TNRC6C: variants seen among roughly 807,000 people sequenced by gnomAD.
TNRC6C encodes trinucleotide repeat containing adaptor 6C.
Under a neutral mutation model 153.7 loss-of-function variants are expected in TNRC6C, and 20 were observed. That is an observed-to-expected ratio of 0.13 (90% CI 0.09 to 0.19). The LOEUF (loss-of-function observed/expected upper bound fraction) is 0.19, where lower values mean the gene tolerates loss of function less well. Ranked by LOEUF, TNRC6C falls within the 10% of genes least tolerant of loss-of-function variation. TNRC6C has a pLI of 1.00. For missense variants in TNRC6C, 1,987 were observed against 2,172.0 expected (o/e 0.91, Z 1.69); for synonymous variants, 811 against 841.4 (o/e 0.96, Z 0.63).
At chr17:78,093,279 C>G (rs2073425249) in intron 15 of TNRC6C, 155 bp downstream of exon 17, 1 of 923,644 alleles carries the variant, frequency 1.1e-6, no homozygotes, top group Admixed American at 2.9e-5. Flanking sequence ...ATCCATTTGT[C>G]AGATCAATTT....
At chr17:78,042,584 C>T (rs1356497197) in intron 2 of TNRC6C, among the ~76,000 whole-genome samples, 3 of 146,998 alleles carry the variant, frequency 2.0e-5, no homozygotes, top group African/African-American at 7.6e-5. Flanking sequence ...TTTTTTTTAA[C>T]GAAATTTAAC....
chr17:77,989,454 G>A (rs531648667), intron 1 of TNRC6C, among the ~76,000 whole-genome samples: 2 of 152,336 alleles, frequency 1.3e-5, no homozygotes, highest in African/African-American at 4.8e-5. Context: ...AGGGAAGGTT[G>A]TACTTTGTCT....
chr17:78,036,043 C>A (rs967994873), intron 2 of TNRC6C, among the ~76,000 whole-genome samples: 1 of 152,062 alleles, frequency 6.6e-6, no homozygotes, highest in Non-Finnish European at 1.5e-5. Flanking sequence ...AAAAGAAGTA[C>A]AAATGCTGGG....
At chr17:78,004,141 C>G (rs545744575), upstream of TNRC6C, 15 of 1,231,334 alleles carry the variant, frequency 1.2e-5, no homozygotes, top group South Asian at 5.8e-4. Flanking sequence ...GATCATCAAA[C>G]TTATACTAGT....
In TNRC6C at chr17:78,073,033, A is replaced by T. The variant is rs1196391086; in HGVS notation, c.2860-4A>T. 3 of 1,553,524 alleles carry T rather than the reference A, an allele frequency of 1.9e-6. No individual in the cohort carries two copies. Among genetic ancestry groups the T allele is most frequent in the Non-Finnish European group, 2.6e-6 (3 of 1,147,736 alleles). On this transcript the variant is annotated splice_polypyrimidine_tract_variant and splice_region_variant and intron_variant, in intron 6 of 19. Coordinates refer to ENST00000301624, the Ensembl canonical transcript of TNRC6C. ...ACTAATGAAAACTCTGTTTTCCTAC[A>T]CAGAGAGAGCCAGCTGAGGAGGCCT...
At chr17:77,961,033 C>T (rs2070857606) in intron 1 of TNRC6C, among the ~76,000 whole-genome samples, 1 of 151,960 alleles carries the variant, frequency 6.6e-6, no homozygotes, top group Admixed American at 6.5e-5. Flanking sequence ...GCTCAGAAAA[C>T]GGTAATAGTA....
At chr17:78,050,611 G>C in exon 3 of TNRC6C, 1 of 1,580,364 alleles carries the variant, frequency 6.3e-7, no homozygotes, top group Non-Finnish European at 8.6e-7. Context: ...ACCTGCCGCT[G>C]TGCCAGCAAA....
chr17:77,985,723 GTCTC>G (rs1031869639), intron 1 of TNRC6C, among the ~76,000 whole-genome samples: 2 of 152,098 alleles, frequency 1.3e-5, no homozygotes, highest in African/African-American at 4.8e-5. Flanking sequence ...TGGATGGATA[GTCTC>G]TCTGTCTTAA....
intron 3 of TNRC6C, among the ~76,000 whole-genome samples, chr17:78,061,643 G>A (rs1009222194): frequency 1.3e-5 from 2 of 152,144 alleles, no homozygotes; most frequent in Admixed American, 6.5e-5. Context: ...CTTAAGAACA[G>A]CCACTGCACT....
chr17:78,047,856 C>A lies in TNRC6C; in HGVS notation c.-218-989C>A, dbSNP rs187556187. 9.9e-5 allele frequency among the ~76,000 whole-genome samples: 15 copies of A among 152,036 alleles called. No homozygotes were observed. In the East Asian group the frequency reaches 2.7e-3, roughly 27 times the overall value. On this transcript the variant is annotated intron_variant, in intron 2 of 19. Coordinates refer to ENST00000301624, the Ensembl canonical transcript of TNRC6C. ...TGATACATACTTGGAATAAAGTCTG[C>A]CAAAAAGTTGATCGAAATATAAGTT... is the stretch of plus-strand genomic sequence containing the variant.
chr17:77,984,998 T>C (rs2071141628), intron 1 of TNRC6C, among the ~76,000 whole-genome samples: 1 of 152,216 alleles, frequency 6.6e-6, no homozygotes, highest in Non-Finnish European at 1.5e-5. Flanking sequence ...TTCTAGTTAT[T>C]GGTATGGTTT....
intron 1 of TNRC6C, among the ~76,000 whole-genome samples, chr17:77,996,271 A>C (rs2071327120): frequency 6.6e-6 from 1 of 152,242 alleles, no homozygotes; most frequent in African/African-American, 2.4e-5. Flanking sequence ...TACATTATCA[A>C]GATTCCTTGG....
rs367911125 is a variant in TNRC6C at position 77,974,527 on chromosome 17, G to A, written c.-38+15259G>A. Among the ~76,000 whole-genome samples, 7 of 151,758 alleles carry A rather than the reference G, an allele frequency of 4.6e-5. No homozygotes were observed. The East Asian group carries it at 1.4e-3, about 29-fold the overall frequency. Reference sequence around the variant, plus strand: ...TAAGAGGGAGAGATGGAGTCTTGCTGTGTTGCCCAGGCTGCCCTTGAACTC... The same window carrying A: ...TAAGAGGGAGAGATGGAGTCTTGCTATGTTGCCCAGGCTGCCCTTGAACTC... On this transcript the variant is annotated intron_variant, in intron 1 of 22. Coordinates refer to the TNRC6C transcript ENST00000636222.
chr17:77,963,747 T>C (rs2070877941), intron 1 of TNRC6C, among the ~76,000 whole-genome samples: 1 of 152,236 alleles, frequency 6.6e-6, no homozygotes, highest in Admixed American at 6.5e-5. Flanking sequence ...CACTCAATGT[T>C]ATTTTGAACT....
At chr17:78,060,866 T>C (rs2072754837) in intron 3 of TNRC6C, among the ~76,000 whole-genome samples, 1 of 152,234 alleles carries the variant, frequency 6.6e-6, no homozygotes, top group Admixed American at 6.5e-5. Context: ...TTTCATCCAC[T>C]GACTTAATTA....
At chr17:78,068,488 A>T (rs1158580254) in intron 5 of TNRC6C, among the ~76,000 whole-genome samples, 1 of 152,200 alleles carries the variant, frequency 6.6e-6, no homozygotes, top group Non-Finnish European at 1.5e-5. Flanking sequence ...ACAGATGGTT[A>T]AGAAGTCTTA....
chr17:78,028,192 G>A (rs546022930), intron 1 of TNRC6C, among the ~76,000 whole-genome samples: 15 of 152,284 alleles, frequency 9.9e-5, no homozygotes, highest in Middle Eastern at 3.4e-3. Context: ...ATCGCCCCCC[G>A]CTGAAACTTG....
At chr17:77,987,550 G>C (rs543867653) in intron 1 of TNRC6C, among the ~76,000 whole-genome samples, 1 of 152,186 alleles carries the variant, frequency 6.6e-6, no homozygotes, top group African/African-American at 2.4e-5. Context: ...AAACAAAGGG[G>C]ATTAGTGATA....
chr17:78,037,801 A>ACT (rs2072208925), intron 2 of TNRC6C, among the ~76,000 whole-genome samples: 1 of 152,202 alleles, frequency 6.6e-6, no homozygotes, highest in South Asian at 2.1e-4. Flanking sequence ...TGCTTTTGGA[A>ACT]CTTGATAGAC....
Sources: allele counts gnomAD v4.1 joint callset (sites outside exome capture counted in the v4.1 genomes callset), GRCh38; gene constraint gnomAD v4.1.1; transcripts MANE v1.5; gene names NCBI Gene and HGNC (gene_info 2026-07-23, HGNC 2026-07-21).